The following MDGA1 variants were observed in gnomAD, a reference collection of about 807,000 sequenced individuals.
The protein encoded by MDGA1 is MAM domain containing glycosylphosphatidylinositol anchor 1.
In MDGA1, 54 loss-of-function variants were observed where a neutral mutation model predicts 101.5. That is an observed-to-expected ratio of 0.53 (90% CI 0.43 to 0.67). The LOEUF is 0.67. Among genes scored for constraint, MDGA1 ranks in the 30% least tolerant of loss-of-function variants. The pLI, the probability that MDGA1 is intolerant of heterozygous loss-of-function variation, is 0.00. For missense variants in MDGA1, 1,083 were observed against 1,323.8 expected, an observed-to-expected ratio of 0.82 and a Z score of 2.82; for synonymous variants, 533 against 558.3, an observed-to-expected ratio of 0.95 and a Z score of 0.64.
intron 9 of MDGA1, 81 bp from the exon 10 acceptor site, chr6:37,647,405 A>C: frequency 1.2e-6 from 1 of 866,300 alleles, no homozygotes; most frequent in Non-Finnish European, 1.7e-6. Context: ...AAAGGGAAAC[A>C]AGAGGATGAG....
At chr6:37,681,811 G>T (rs115242585) in intron 1 of MDGA1, among the ~76,000 whole-genome samples, 2 of 152,096 alleles carry the variant, frequency 1.3e-5, no homozygotes, top group Admixed American at 1.3e-4. Context: ...AGGGCATGAA[G>T]CCCACCCTCA....
intron 1 of MDGA1, among the ~76,000 whole-genome samples, chr6:37,680,134 G>A (rs992837933): frequency 1.1e-4 from 16 of 152,342 alleles, no homozygotes; most frequent in East Asian, 1.9e-4. Context: ...TCCCGGGGGC[G>A]GGGGTGGGGC....
At chr6:37,683,385 A>C (rs928777740) in intron 1 of MDGA1, among the ~76,000 whole-genome samples, 2 of 152,222 alleles carry the variant, frequency 1.3e-5, no homozygotes, top group African/African-American at 2.4e-5. Flanking sequence ...TCCACACAGC[A>C]AGCTGGCTCT....
rs1763948344 is a variant in MDGA1, at chr6:37,637,196, T to C, written c.*172A>G. On this transcript the variant is annotated 3_prime_UTR_variant, in exon 17 of 17. Coordinates refer to ENST00000434837, the MANE Select transcript of MDGA1 (RefSeq NM_153487.4). The stretch of plus-strand genomic sequence containing the variant: ...GGAACAGCTGTCTCCAGGGCCTCAG[T>C]GCCTGGCCTCTGTCCTTGTTCTCTG... 3.4e-6 allele frequency: 2 copies of C among 586,250 alleles called. No homozygotes were observed. Among genetic ancestry groups the C allele is most frequent in the Non-Finnish European group, 6.1e-6 (2 of 325,614 alleles). 36.3% of individuals were successfully genotyped at this position (586,250 alleles called of 1,614,324 possible). A position where few individuals can be genotyped will look rare whatever the true frequency, so the allele number is the denominator to read the frequency against.
intron 1 of MDGA1, among the ~76,000 whole-genome samples, chr6:37,677,482 C>T (rs184176379): frequency 6.6e-6 from 1 of 152,290 alleles, no homozygotes; most frequent in Non-Finnish European, 1.5e-5. Context: ...TCCAGCACAT[C>T]GATGCAGGGG....
At chr6:37,659,349 T>G (rs1190079865) in intron 2 of MDGA1, among the ~76,000 whole-genome samples, 7 of 152,266 alleles carry the variant, frequency 4.6e-5, no homozygotes, top group African/African-American at 1.7e-4. Flanking sequence ...AAGATTATTA[T>G]GAGGTTTACA....
chr6:37,645,459 G>C (rs144435962), intron 12 of MDGA1, among the ~76,000 whole-genome samples: 3,871 of 152,240 alleles, frequency 0.025, 62 homozygotes, highest in Middle Eastern at 0.054. Flanking sequence ...ACTTGAACCC[G>C]GGAGGCGCAG....
chr6:37,635,501 G>T lies in MDGA1; in HGVS notation c.*1867C>A. ...CCTTGACTGGGTCAGGAAGGCAGCC[G>T]TGCTGATTGGGCATCAGAAGGCCCC... On this transcript the variant is annotated 3_prime_UTR_variant, in exon 17 of 17. Coordinates refer to ENST00000434837, the MANE Select transcript of MDGA1 (RefSeq NM_153487.4). 1 of 398,684 alleles carries T rather than the reference G, an allele frequency of 2.5e-6. No homozygotes were observed. Among genetic ancestry groups the T allele is most frequent in the Non-Finnish European group, 4.4e-6 (1 of 226,086 alleles). The allele number at this position is 398,684 out of a possible 1,614,324, so 24.7% of individuals were successfully genotyped here.
chr6:37,688,263 T>G (rs1320269794), intron 1 of MDGA1, among the ~76,000 whole-genome samples: 4 of 152,224 alleles, frequency 2.6e-5, no homozygotes. Flanking sequence ...TGATGCCACC[T>G]GCAGGGTTTC....
chr6:37,679,293 G>A (rs867331103), intron 1 of MDGA1, among the ~76,000 whole-genome samples: 3 of 152,132 alleles, frequency 2.0e-5, no homozygotes, highest in African/African-American at 7.2e-5. Flanking sequence ...GTTCAATCAC[G>A]GCCAGGGACA....
rs200515120 is a variant in MDGA1 at position 37,658,357 on chromosome 6, G to A, written c.270C>T (p.Asn90=). Residue 90 remains asparagine (N), a synonymous_variant, in exon 3 of 17, where the codon AAC becomes AAT. Transcript: ENST00000434837. Reference sequence around the variant, plus strand: ...CAATACGCTCGATGCGCAGCGTCTCGTTGAACACCGATGTCTCCTGGAACT... The same window carrying A: ...CAATACGCTCGATGCGCAGCGTCTCATTGAACACCGATGTCTCCTGGAACT... The part of the protein sequence containing the change: ...SDKFQETSVF[N]ETLRIERIAR... 1 of 1,613,000 alleles carries A rather than the reference G, an allele frequency of 6.2e-7. No individual in the cohort carries two copies. Among genetic ancestry groups the A allele is most frequent in the Admixed American group, 1.7e-5 (1 of 59,956 alleles).
chr6:37,658,154 T>C lies in MDGA1; in HGVS notation c.382+91A>G, dbSNP rs1435312142. The C allele has an allele frequency of 4.3e-6, 6 of 1,387,408 alleles. No individual in the cohort carries two copies. The African/African-American group carries it at 5.8e-5, about 13-fold the overall frequency. 85.9% of individuals were successfully genotyped at this position (1,387,408 alleles called of 1,614,324 possible). A position where few individuals can be genotyped will look rare whatever the true frequency, so the allele number is the denominator to read the frequency against. ...AGGTCAGCTTCTCCGTTCCACCCCATGCCCACTTCCCCACCTCACCTCATC... is the reference window on the plus strand; with the variant it reads ...AGGTCAGCTTCTCCGTTCCACCCCACGCCCACTTCCCCACCTCACCTCATC... On this transcript the variant is annotated intron_variant, in intron 3 of 16. Coordinates refer to ENST00000434837, the MANE Select transcript of MDGA1 (RefSeq NM_153487.4).
At position 37,685,317 on chromosome 6, in the gene MDGA1, T is replaced by C. The variant is rs541082582; in HGVS notation, c.67+11428A>G. 2.0e-5 allele frequency among the ~76,000 whole-genome samples: 3 copies of C among 152,090 alleles called. No individual in the cohort carries two copies. The East Asian group carries it at 5.8e-4, about 29-fold the overall frequency. On this transcript the variant is annotated intron_variant, in intron 1 of 16. Transcript: ENST00000434837. ...AAAAAATTAAAAAAAAAAAAATCAC[T>C]TCAGGAGCGTCTCAGGGCCGAGGAG...
At chr6:37,646,040 G>T in intron 11 of MDGA1, 84 bp from the exon 12 acceptor site, 1 of 1,602,174 alleles carries the variant, frequency 6.2e-7, no homozygotes. Context: ...AGAGGACAGG[G>T]TCCTCAGAGC....
chr6:37,662,634 C>CAAAAAAAAAAAAAAAGA (rs59902841), intron 2 of MDGA1, among the ~76,000 whole-genome samples: 2 of 44,046 alleles, frequency 4.5e-5, no homozygotes. Context: ...GACCCCATCT[C>CAAAAAAAAAAAAAAAGA]AAAAAAAAAA....
rs1433378410 is a variant in MDGA1, at chr6:37,634,478, C to G, written c.*2890G>C. 1.3e-5 allele frequency: 2 copies of G among 153,268 alleles called. No homozygotes were observed. The highest frequency in any genetic ancestry group is 2.4e-5 in the African/African-American group (1 of 41,450). The allele number at this position is 153,268 out of a possible 1,614,324, so 9.5% of individuals were successfully genotyped here. A position where few individuals can be genotyped will look rare whatever the true frequency, so the allele number is the denominator to read the frequency against. On this transcript the variant is annotated 3_prime_UTR_variant, in exon 17 of 17. Coordinates refer to ENST00000434837, the MANE Select transcript of MDGA1 (RefSeq NM_153487.4). The surrounding 1 kb of genome is among the most constrained non-coding windows in gnomAD (Gnocchi z 4.7). Reference sequence around the variant, plus strand: ...TCACAGGCACACACAGACACAGACACTGACAAGTCACCAGGTGATACACAA... The same window carrying G: ...TCACAGGCACACACAGACACAGACAGTGACAAGTCACCAGGTGATACACAA...
chr6:37,689,391 C>T (rs192348101), intron 1 of MDGA1, among the ~76,000 whole-genome samples: 1 of 152,214 alleles, frequency 6.6e-6, no homozygotes, highest in South Asian at 2.1e-4. Flanking sequence ...ATATCCCCCC[C>T]AGACATGCCA....
intron 1 of MDGA1, among the ~76,000 whole-genome samples, chr6:37,664,815 G>T (rs1475494220): frequency 8.3e-6 from 1 of 120,864 alleles, no homozygotes; most frequent in African/African-American, 3.2e-5. Flanking sequence ...ACCATCTCAG[G>T]CTTTGCTTTT....
At chr6:37,637,608 C>T in intron 16 of MDGA1, 149 bp from the exon 17 acceptor site, 1 of 641,940 alleles carries the variant, frequency 1.6e-6, no homozygotes, top group Non-Finnish European at 2.8e-6. Context: ...CAGACAAACT[C>T]ACCGCACAGA....
Sources: allele counts gnomAD v4.1 joint callset (sites outside exome capture counted in the v4.1 genomes callset), GRCh38; gene constraint gnomAD v4.1.1; non-coding constraint Gnocchi (gnomAD v3.1); transcripts MANE v1.5; gene names NCBI Gene and HGNC (gene_info 2026-07-23, HGNC 2026-07-21).